Variants in STXBP5L observed in about 807,000 individuals in gnomAD.
STXBP5L encodes the protein syntaxin binding protein 5L, also known as syntaxin-binding protein 5-like.
In STXBP5L, 65 loss-of-function variants were observed where a neutral mutation model predicts 144.5. The observed-to-expected ratio is 0.45, with a 90% CI of 0.37 to 0.55. The LOEUF is 0.55. Among genes scored for constraint, STXBP5L ranks in the 20% least tolerant of loss-of-function variants. The pLI is 0.00. For missense variants in STXBP5L, 1,298 were observed against 1,405.5 expected (o/e 0.92, Z 1.22); for synonymous variants, 505 against 469.6 (o/e 1.08, Z -0.97).
chr3:121,190,775 T>C (rs1289396288), intron 9 of STXBP5L, among the ~76,000 whole-genome samples: 77 of 35,030 alleles, frequency 2.2e-3, no homozygotes, highest in South Asian at 6.1e-3. Flanking sequence ...GGCTCCTCAA[T>C]TCCCAGATGG....
chr3:121,004,104 G>T (rs1421703247), intron 3 of STXBP5L, among the ~76,000 whole-genome samples: 3 of 152,098 alleles, frequency 2.0e-5, no homozygotes, highest in Non-Finnish European at 4.4e-5. Context: ...TTGGTAGCTT[G>T]ATGGGGATGG....
rs1186047263 is a variant in STXBP5L at position 121,054,464 on chromosome 3, A to G, written c.470+8929A>G. 2.6e-5 allele frequency among the ~76,000 whole-genome samples: 4 copies of G among 151,802 alleles called. No individual in the cohort carries two copies. The South Asian group carries it at 6.3e-4, about 24-fold the overall frequency. On this transcript the variant is annotated intron_variant, in intron 5 of 26. Transcript: ENST00000471454. ...AGGGACATGGATTAAACTGGAAACC[A>G]TCATCTCAGCAAACTATCACAAGGA...
chr3:121,117,537 G>A lies in STXBP5L; in HGVS notation c.605+2478G>A, dbSNP rs1346224063. Among the ~76,000 whole-genome samples the A allele has an allele frequency of 3.3e-5, 5 of 151,714 alleles. No homozygotes were observed. The East Asian group carries it at 9.6e-4, about 29-fold the overall frequency. ...AATGTATGTAACTTCCTGTTAATATGTGTCAAGTGTATGGGACAGTAATAA... is the reference window on the plus strand; with the variant it reads ...AATGTATGTAACTTCCTGTTAATATATGTCAAGTGTATGGGACAGTAATAA... On this transcript the variant is annotated intron_variant, in intron 6 of 26. Coordinates refer to ENST00000471454, the MANE Select transcript of STXBP5L (RefSeq NM_001308330.2).
chr3:121,133,975 T>A (rs1282919329), intron 7 of STXBP5L, among the ~76,000 whole-genome samples: 2 of 152,156 alleles, frequency 1.3e-5, no homozygotes, highest in African/African-American at 4.8e-5. Flanking sequence ...CCTTGACACA[T>A]GGTGATTACA....
chr3:121,390,244 A>T (rs902864116), intron 22 of STXBP5L, among the ~76,000 whole-genome samples: 5 of 152,116 alleles, frequency 3.3e-5, no homozygotes, highest in East Asian at 3.9e-4. Context: ...TGCTTGGTAG[A>T]TCTTCCTCCA....
At chr3:120,961,079 A>G (rs532689721) in intron 3 of STXBP5L, among the ~76,000 whole-genome samples, 2 of 152,018 alleles carry the variant, frequency 1.3e-5, no homozygotes, top group African/African-American at 2.4e-5. Context: ...AAATTTATCA[A>G]TTTCTTTGAA....
intron 5 of STXBP5L, among the ~76,000 whole-genome samples, chr3:121,100,830 T>G (rs1251803869): frequency 6.7e-6 from 1 of 149,042 alleles, no homozygotes; most frequent in Non-Finnish European, 1.5e-5. Context: ...AAAGAATAAA[T>G]ATTGGTAGAA....
At chr3:120,969,516 A>G (rs1377234872) in intron 3 of STXBP5L, among the ~76,000 whole-genome samples, 2 of 147,534 alleles carry the variant, frequency 1.4e-5, no homozygotes, top group African/African-American at 5.0e-5. Flanking sequence ...CTGTTTGCTG[A>G]TTATTTCTTT....
At chr3:121,142,375 CG>C (rs1418048769) in intron 7 of STXBP5L, among the ~76,000 whole-genome samples, 1 of 151,876 alleles carries the variant, frequency 6.6e-6, no homozygotes, top group Non-Finnish European at 1.5e-5. Flanking sequence ...AAGGAATCAG[CG>C]GGCTTCAATA....
Position 121,181,735 on chromosome 3 carries a change from C to G in STXBP5L, c.877+24108C>G, listed in dbSNP as rs1248468141. Among the ~76,000 whole-genome samples, 5 of 152,148 alleles carry G rather than the reference C, an allele frequency of 3.3e-5. No homozygotes were observed. The East Asian group carries it at 9.7e-4, about 29-fold the overall frequency. ...CCTGGGCGATAGAATGAGACCCTAT[C>G]TCAAAGAAAACAAAAAACAAACAAA... is the stretch of plus-strand genomic sequence containing the variant. On this transcript the variant is annotated intron_variant, in intron 9 of 26. Transcript: ENST00000471454.
At chr3:121,368,088 T>G (rs1023175215) in intron 20 of STXBP5L, among the ~76,000 whole-genome samples, 1 of 151,832 alleles carries the variant, frequency 6.6e-6, no homozygotes, top group Non-Finnish European at 1.5e-5. Flanking sequence ...TCTCTCTTCC[T>G]TTTTTTTCTG....
At chr3:121,197,826 C>T (rs755296123) in intron 9 of STXBP5L, among the ~76,000 whole-genome samples, 17 of 152,144 alleles carry the variant, frequency 1.1e-4, no homozygotes, top group Non-Finnish European at 2.4e-4. Flanking sequence ...GACATGAACT[C>T]ATTCTATTTT....
intron 23 of STXBP5L, among the ~76,000 whole-genome samples, chr3:121,412,119 A>T (rs190637148): frequency 1.1e-3 from 172 of 152,256 alleles, no homozygotes; most frequent in Middle Eastern, 3.4e-3. Flanking sequence ...CAGCATAAGG[A>T]TGCTGACCTC....
At chr3:121,304,440 A>ACGTAACAT (rs1190903632) in intron 19 of STXBP5L, among the ~76,000 whole-genome samples, 1 of 152,176 alleles carries the variant, frequency 6.6e-6, no homozygotes. Context: ...TCATGTAAAC[A>ACGTAACAT]CGTAACATTC....
chr3:120,922,933 T>C (rs867903930), intron 2 of STXBP5L, among the ~76,000 whole-genome samples: 4 of 151,996 alleles, frequency 2.6e-5, no homozygotes, highest in African/African-American at 9.7e-5. Context: ...AGAATTGCTA[T>C]TTGTTCTTTA....
intron 5 of STXBP5L, among the ~76,000 whole-genome samples, chr3:121,090,742 A>G (rs908782116): frequency 6.6e-6 from 1 of 151,562 alleles, no homozygotes; most frequent in African/African-American, 2.4e-5. Flanking sequence ...TGGGGACACA[A>G]TTAGTGCCTC....
At chr3:120,932,773 A>G (rs1710015072) in intron 2 of STXBP5L, among the ~76,000 whole-genome samples, 1 of 152,050 alleles carries the variant, frequency 6.6e-6, no homozygotes, top group African/African-American at 2.4e-5. Context: ...CACTATTCAC[A>G]ATAGCAAAGA....
chr3:121,143,654 A>G (rs528016670), intron 7 of STXBP5L, among the ~76,000 whole-genome samples: 111 of 151,986 alleles, frequency 7.3e-4, no homozygotes, highest in African/African-American at 2.6e-3. Context: ...TAATCCATAC[A>G]TATGTGGTCA....
At position 121,418,948 on chromosome 3, in the gene STXBP5L, G is replaced by T. The variant is rs2047304430; in HGVS notation, c.3448-108G>T. The T allele has an allele frequency of 3.1e-5, 36 of 1,163,374 alleles. No individual in the cohort carries two copies. The South Asian group carries it at 5.9e-4, about 19-fold the overall frequency. 72.1% of individuals were successfully genotyped at this position (1,163,374 alleles called of 1,614,324 possible). On this transcript the variant is annotated intron_variant, in intron 26 of 26. Transcript: ENST00000471454. ...CAAAATAAAAGAAGCCACTCAGTTT[G>T]ATTATAAGTTTTGAGATAGATTTGC... is the stretch of plus-strand genomic sequence containing the variant.
Sources: allele counts gnomAD v4.1 joint callset (sites outside exome capture counted in the v4.1 genomes callset), GRCh38; gene constraint gnomAD v4.1.1; transcripts MANE v1.5; gene names NCBI Gene and HGNC (gene_info 2026-07-23, HGNC 2026-07-21).